The following ATP2C2 variants were observed in gnomAD, a reference collection of about 807,000 sequenced individuals.
ATP2C2 encodes calcium-transporting ATPase type 2C member 2.
A neutral mutation model predicts 110.8 loss-of-function variants in ATP2C2; 171 were observed. The ratio of observed to expected loss-of-function variants is 1.54; its 90% CI spans 1.36 to 1.75. The LOEUF is 1.75. ATP2C2 is among the 40% of genes most tolerant of loss of function. ATP2C2 has a pLI of 0.00. For synonymous variants in ATP2C2, 804 were observed against 508.4 expected (o/e 1.58, Z -7.82); for missense variants, 1,963 against 1,235.0 (o/e 1.59, Z -8.84).
chr16:84,396,496 G>A (rs868495782), intron 1 of ATP2C2, among the ~76,000 whole-genome samples: 12 of 147,754 alleles, frequency 8.1e-5, no homozygotes, highest in South Asian at 4.3e-4. Flanking sequence ...GTTGTAGTGA[G>A]CCGAGGTCGC....
intron 7 of ATP2C2, among the ~76,000 whole-genome samples, chr16:84,416,825 G>C (rs1248596727): frequency 6.6e-6 from 1 of 152,188 alleles, no homozygotes; most frequent in Non-Finnish European, 1.5e-5. Flanking sequence ...CATGGATCCG[G>C]TCAGAGGAAC....
intron 20 of ATP2C2, 75 bp downstream of exon 20, chr16:84,453,446 C>A: frequency 3.2e-6 from 5 of 1,581,456 alleles, no homozygotes; most frequent in Non-Finnish European, 4.3e-6. Flanking sequence ...GGAGCTCATG[C>A]GTCCGTCGGG....
intron 1 of ATP2C2, among the ~76,000 whole-genome samples, chr16:84,390,690 G>C (rs1193083683): frequency 6.6e-6 from 1 of 152,166 alleles, no homozygotes; most frequent in East Asian, 1.9e-4. Context: ...GAAAGTGTTT[G>C]GGGATGAGCT....
chr16:84,424,576 C>CTGTTTTTTTTTTTTTTTT (rs1907634859), intron 10 of ATP2C2, among the ~76,000 whole-genome samples: 1 of 114,870 alleles, frequency 8.7e-6, no homozygotes, highest in African/African-American at 4.0e-5. Flanking sequence ...CCGCACTGGG[C>CTGTTTTTTTTTTTTTTTT]TTTTTTTTTT....
intron 24 of ATP2C2, chr16:84,461,279 CCA>C (rs1464344063): frequency 3.4e-6 from 1 of 294,808 alleles, no homozygotes; most frequent in African/African-American, 2.2e-5. Flanking sequence ...TGTGACCACA[CCA>C]CAGATTGCCC....
intron 1 of ATP2C2, among the ~76,000 whole-genome samples, chr16:84,376,834 C>G (rs552292986): frequency 2.0e-5 from 3 of 152,218 alleles, no homozygotes; most frequent in Admixed American, 6.5e-5. Context: ...AAGGCCAACA[C>G]CTGTCCTGCA....
At chr16:84,397,566 C>G (rs1249348607) in intron 1 of ATP2C2, among the ~76,000 whole-genome samples, 3 of 146,328 alleles carry the variant, frequency 2.1e-5, no homozygotes, top group Non-Finnish European at 4.5e-5. Flanking sequence ...TCCTGCTATT[C>G]AGGAGGCTGA....
At chr16:84,421,431 T>C (rs1214274434) in intron 7 of ATP2C2, among the ~76,000 whole-genome samples, 2 of 152,232 alleles carry the variant, frequency 1.3e-5, no homozygotes, top group East Asian at 3.8e-4. Context: ...TTTTAAATTA[T>C]AGAGAAGTCG....
intron 4 of ATP2C2, 56 bp downstream of exon 4, chr16:84,408,550 C>A: frequency 1.4e-6 from 2 of 1,396,382 alleles, no homozygotes; most frequent in Non-Finnish European, 2.0e-6. Context: ...TCTGCTGAGT[C>A]TCTGCTTGTT....
intron 11 of ATP2C2, among the ~76,000 whole-genome samples, chr16:84,426,431 T>A (rs1393708336): frequency 6.6e-6 from 1 of 152,180 alleles, no homozygotes; most frequent in East Asian, 1.9e-4. Context: ...ACATTCAAAC[T>A]GTATCAGCTT....
At chr16:84,450,987 G>A (rs968731780) in intron 17 of ATP2C2, among the ~76,000 whole-genome samples, 2 of 152,154 alleles carry the variant, frequency 1.3e-5, no homozygotes, top group African/African-American at 4.8e-5. Context: ...TTGGGAAGTG[G>A]GGTGGGTCTT....
chr16:84,452,645 C>A lies in ATP2C2; in HGVS notation c.1832-493C>A, dbSNP rs185079313. Among the ~76,000 whole-genome samples the A allele has an allele frequency of 8.4e-3, 1,276 of 152,040 alleles. 16 individuals are homozygous for A. The highest frequency in any genetic ancestry group is 0.029 in the African/African-American group (1,223 of 41,468). Reference sequence around the variant, plus strand: ...TCCTGAGTAGCTGGGACTACAGGCACCCACCACCGCGCCCAGCTAATTTTT... The same window carrying A: ...TCCTGAGTAGCTGGGACTACAGGCAACCACCACCGCGCCCAGCTAATTTTT... On this transcript the variant is annotated intron_variant, in intron 18 of 26. Transcript: ENST00000262429.
rs1353694697 is a variant in ATP2C2, at chr16:84,459,972, T to TA, written c.2333+586_2333+587insA. 5 of 252,746 alleles carry TA rather than the reference T, an allele frequency of 2.0e-5. No individual in the cohort carries two copies. The East Asian group carries it at 3.7e-4, about 19-fold the overall frequency. The allele number at this position is 252,746 out of a possible 1,614,324, so 15.7% of individuals were successfully genotyped here. A position where few individuals can be genotyped will look rare whatever the true frequency, so the allele number is the denominator to read the frequency against. On this transcript the variant is annotated intron_variant, in intron 23 of 26. Coordinates refer to ENST00000262429, the MANE Select transcript of ATP2C2 (RefSeq NM_014861.4). ...AGTGGTGTGGGGGAAGGAATGCGCT[T>TA]TGGAGTCAGGGGACCCATCTGGCCA...
At chr16:84,380,748 T>C (rs1480366853) in intron 1 of ATP2C2, among the ~76,000 whole-genome samples, 2 of 152,220 alleles carry the variant, frequency 1.3e-5, no homozygotes, top group African/African-American at 2.4e-5. Context: ...TTCTGTACAA[T>C]GGGGTAGTAA....
At chr16:84,391,106 T>A (rs1904630902) in intron 1 of ATP2C2, among the ~76,000 whole-genome samples, 1 of 86,876 alleles carries the variant, frequency 1.2e-5, no homozygotes, top group Admixed American at 2.0e-4. Flanking sequence ...AGAGTGAGAC[T>A]CAGACTCAAA....
At chr16:84,458,414 G>T (rs868057900) in intron 21 of ATP2C2, among the ~76,000 whole-genome samples, 1 of 140,430 alleles carries the variant, frequency 7.1e-6, no homozygotes. Flanking sequence ...GTTAGTGGGT[G>T]CAGCGCACCA....
chr16:84,452,924 C>G (rs774990003), intron 18 of ATP2C2, among the ~76,000 whole-genome samples: 2 of 152,188 alleles, frequency 1.3e-5, no homozygotes, highest in Non-Finnish European at 2.9e-5. Flanking sequence ...GGCAAAGTCA[C>G]TTCTGTTTCC....
At chr16:84,401,399 A>G (rs1191621708) in intron 2 of ATP2C2, among the ~76,000 whole-genome samples, 2 of 151,852 alleles carry the variant, frequency 1.3e-5, no homozygotes, top group East Asian at 1.9e-4. Context: ...TAATTTTTGT[A>G]TTCTTGGTAG....
chr16:84,460,347 TG>T (rs35446600), intron 23 of ATP2C2: 113 of 388,450 alleles, frequency 2.9e-4, no homozygotes, highest in African/African-American at 1.3e-3. Context: ...GGCGCAACGT[TG>T]GGGGGGGTCC....
Sources: gnomAD v4.1 joint callset for allele counts (sites outside exome capture counted in the v4.1 genomes callset) on GRCh38, gnomAD v4.1.1 for gene constraint, MANE v1.5 for transcripts, NCBI Gene and HGNC (gene_info 2026-07-23, HGNC 2026-07-21) for gene names.